The following IREB2 variants were observed in gnomAD, a reference collection of about 807,000 sequenced individuals.
IREB2 encodes the protein iron-responsive element-binding protein 2.
Under a neutral mutation model 118.8 loss-of-function variants are expected in IREB2, and 39 were observed. That is an observed-to-expected ratio of 0.33 (90% CI 0.25 to 0.43). The LOEUF is 0.43. IREB2 is among the 20% of genes least tolerant of loss of function. The pLI, the probability that IREB2 is intolerant of heterozygous loss-of-function variation, is 1.00. For synonymous variants in IREB2, 372 were observed against 392.2 expected (o/e 0.95, Z 0.61); for missense variants, 900 against 1,147.3 (o/e 0.78, Z 3.11).
intron 2 of IREB2, among the ~76,000 whole-genome samples, chr15:78,456,127 G>A (rs998654947): frequency 6.6e-6 from 1 of 152,128 alleles, no homozygotes. Flanking sequence ...AGTCAGACAA[G>A]CAGAACTGAT....
At chr15:78,448,272 G>A (rs1369641183) in intron 2 of IREB2, among the ~76,000 whole-genome samples, 6 of 151,912 alleles carry the variant, frequency 3.9e-5, no homozygotes, top group Admixed American at 3.9e-4. Context: ...AGCCACCCAA[G>A]TAGCTGGGAT....
intron 2 of IREB2, among the ~76,000 whole-genome samples, chr15:78,453,997 A>C (rs2051066613): frequency 6.6e-6 from 1 of 152,342 alleles, no homozygotes; most frequent in South Asian, 2.1e-4. Flanking sequence ...ATTACCATTC[A>C]TACCTGTTAG....
intron 16 of IREB2, among the ~76,000 whole-genome samples, chr15:78,489,234 A>G (rs1361634623): frequency 1.3e-5 from 2 of 151,962 alleles, no homozygotes; most frequent in East Asian, 3.9e-4. Context: ...AAAAAAAAAA[A>G]AAAAGAAAGA....
intron 7 of IREB2, among the ~76,000 whole-genome samples, chr15:78,472,932 G>T (rs1445572898): frequency 6.6e-6 from 1 of 152,088 alleles, no homozygotes; most frequent in Non-Finnish European, 1.5e-5. Flanking sequence ...ACTGGATTCT[G>T]TTTATATCTG....
At chr15:78,464,041 C>T (rs1354562116) in intron 3 of IREB2, among the ~76,000 whole-genome samples, 1 of 152,190 alleles carries the variant, frequency 6.6e-6, no homozygotes, top group Non-Finnish European at 1.5e-5. Context: ...TTAAATATAT[C>T]TTGTGTCCAA....
At chr15:78,486,102 A>C (rs2051655293) in intron 13 of IREB2, among the ~76,000 whole-genome samples, 1 of 152,256 alleles carries the variant, frequency 6.6e-6, no homozygotes, top group South Asian at 2.1e-4. Flanking sequence ...TGGGAAGACA[A>C]GACAAACAAG....
At chr15:78,471,152 C>A (rs2051370231) in intron 6 of IREB2, among the ~76,000 whole-genome samples, 1 of 151,766 alleles carries the variant, frequency 6.6e-6, no homozygotes, top group Non-Finnish European at 1.5e-5. Flanking sequence ...GCTGGGATTA[C>A]AGATGTGCAC....
rs534792754 is a variant in IREB2 at position 78,500,186 on chromosome 15, G to C, written c.*2043G>C. On this transcript the variant is annotated 3_prime_UTR_variant, in exon 22 of 22. Transcript: ENST00000258886. ...GAAAGCATACTCTATATATAGTTAT[G>C]GGCAGAGGCACAGGCATCCTCAGCA... 1 of 152,050 alleles carries C rather than the reference G, an allele frequency of 6.6e-6. No individual in the cohort carries two copies. The highest frequency in any genetic ancestry group is 2.4e-5 in the African/African-American group (1 of 41,402). The allele number at this position is 152,050 out of a possible 1,614,324, so 9.4% of individuals were successfully genotyped here. A position where few individuals can be genotyped will look rare whatever the true frequency, so the allele number is the denominator to read the frequency against.
rs371492282 is a variant in IREB2, at chr15:78,482,974, C to T, written c.1297-344C>T. On this transcript the variant is annotated intron_variant, in intron 10 of 21. Transcript: ENST00000258886. ...CATGATGGTCTTGATCTCCTGACCTCGTGACCTGCCCACCTCGGCCTCCCA... is the reference window on the plus strand; with the variant it reads ...CATGATGGTCTTGATCTCCTGACCTTGTGACCTGCCCACCTCGGCCTCCCA... 2.0e-4 allele frequency among the ~76,000 whole-genome samples: 31 copies of T among 152,216 alleles called. 1 individual carries two copies. The highest frequency in any genetic ancestry group is 1.4e-3 in the East Asian group (7 of 5,170).
chr15:78,477,507 T>C (rs2051492102), intron 9 of IREB2, among the ~76,000 whole-genome samples: 1 of 152,232 alleles, frequency 6.6e-6, no homozygotes, highest in South Asian at 2.1e-4. Flanking sequence ...TAGTCTGGGC[T>C]TGCTCACGTG....
At chr15:78,457,823 A>G (rs1009079410) in intron 2 of IREB2, among the ~76,000 whole-genome samples, 21 of 152,196 alleles carry the variant, frequency 1.4e-4, no homozygotes, top group African/African-American at 5.1e-4. Context: ...ATAATTATCT[A>G]AATAAAAGGT....
intron 2 of IREB2, among the ~76,000 whole-genome samples, chr15:78,445,908 C>T (rs905916230): frequency 7.2e-5 from 11 of 152,294 alleles, no homozygotes; most frequent in African/African-American, 2.6e-4. Flanking sequence ...CCTCAGTCTC[C>T]CAAGTAGTTG....
intron 2 of IREB2, among the ~76,000 whole-genome samples, chr15:78,440,128 C>G (rs1203893028): frequency 1.3e-5 from 2 of 152,146 alleles, no homozygotes; most frequent in African/African-American, 4.8e-5. Context: ...CTCAAAGAAA[C>G]CAATAATGCA....
At chr15:78,452,525 A>G (rs945056546) in intron 2 of IREB2, among the ~76,000 whole-genome samples, 12 of 152,194 alleles carry the variant, frequency 7.9e-5, no homozygotes, top group African/African-American at 2.9e-4. Flanking sequence ...GTGAGTCTCA[A>G]TATGAACTCT....
At chr15:78,487,303 A>G (rs557631902) in intron 13 of IREB2, among the ~76,000 whole-genome samples, 7 of 152,286 alleles carry the variant, frequency 4.6e-5, no homozygotes, top group South Asian at 4.1e-4. Context: ...AGGTCATGTT[A>G]TATTCCTAGC....
At chr15:78,450,998 T>C (rs972348913) in intron 2 of IREB2, among the ~76,000 whole-genome samples, 11 of 152,100 alleles carry the variant, frequency 7.2e-5, no homozygotes, top group Non-Finnish European at 1.2e-4. Context: ...CAAATCTTGC[T>C]CTGTTGCCCA....
At chr15:78,467,718 A>T (rs916257907) in intron 5 of IREB2, among the ~76,000 whole-genome samples, 1 of 152,194 alleles carries the variant, frequency 6.6e-6, no homozygotes, top group East Asian at 1.9e-4. Flanking sequence ...ACAGCTTTTT[A>T]AAATATGTAC....
chr15:78,461,101 GAT>G (rs142452286), intron 2 of IREB2, among the ~76,000 whole-genome samples: 1,683 of 152,290 alleles, frequency 0.011, 45 homozygotes, highest in African/African-American at 0.038. Flanking sequence ...AATGAGTCCT[GAT>G]ACACCCTACC....
At chr15:78,465,588 G>A (rs773920311) in intron 4 of IREB2, among the ~76,000 whole-genome samples, 200 bp downstream of exon 4, 2 of 152,088 alleles carry the variant, frequency 1.3e-5, no homozygotes, top group East Asian at 1.9e-4. Flanking sequence ...TTCTGCTGCC[G>A]TTTTTGATAG....
Sources: allele counts gnomAD v4.1 joint callset (sites outside exome capture counted in the v4.1 genomes callset), GRCh38; gene constraint gnomAD v4.1.1; transcripts MANE v1.5; gene names NCBI Gene and HGNC (gene_info 2026-07-23, HGNC 2026-07-21).